LILRB5: variants seen among roughly 807,000 people sequenced by gnomAD.
The protein encoded by LILRB5 is leukocyte immunoglobulin like receptor B5, also known as leukocyte immunoglobulin-like receptor subfamily B member 5.
Under a neutral mutation model 68.4 loss-of-function variants are expected in LILRB5, and 61 were observed. That is an observed-to-expected ratio of 0.89 (90% confidence interval 0.73 to 1.10). The LOEUF is 1.10. Among genes scored for constraint, LILRB5 ranks in the 50% least tolerant of loss-of-function variants. LILRB5 has a pLI of 0.00. For synonymous variants in LILRB5, 356 were observed against 315.8 expected (o/e 1.13, Z -1.35); for missense variants, 771 against 751.6 (o/e 1.03, Z -0.30).
At chr19:54,255,806 G>T in intron 4 of LILRB5, 1 of 675,756 alleles carries the variant, frequency 1.5e-6, no homozygotes, top group Non-Finnish European at 2.5e-6. Context: ...TCCTCATTGA[G>T]GGACAGGAAA....
intron 6 of LILRB5, 142 bp from the exon 7 acceptor site, chr19:54,254,557 G>A (rs1156816761): frequency 1.6e-6 from 2 of 1,253,528 alleles, no homozygotes; most frequent in Admixed American, 2.1e-5. Context: ...GCCAAGTGTG[G>A]GCATGCCTGG....
chr19:54,251,980 G>A, intron 12 of LILRB5, 74 bp downstream of exon 12: 2 of 1,441,952 alleles, frequency 1.4e-6, no homozygotes, highest in Non-Finnish European at 2.0e-6. Context: ...GGGGGAAGGA[G>A]GACAGAGAAG....
chr19:54,256,645 A>C lies in LILRB5; in HGVS notation c.199T>G (p.Trp67Gly). Residue 67 changes from tryptophan to glycine, a missense_variant, in exon 3 of 13, where the codon TGG becomes GGG. Trp to Gly is a radical substitution (Grantham distance 184). Coordinates refer to ENST00000449561, the MANE Select transcript of LILRB5 (RefSeq NM_001081442.3). ...AGTGGGTTCTGTCTCTTCCGGGCCC[A>C]TGGGAGTCCCTCCTTATCCAGACGG... ...EYRLDKEGLP[W>G]ARKRQNPLEP... 1 of 1,614,088 alleles carries C rather than the reference A, an allele frequency of 6.2e-7. No individual in the cohort carries two copies. Among genetic ancestry groups the C allele is most frequent in the Non-Finnish European group, 8.5e-7 (1 of 1,179,992 alleles).
In LILRB5 at chr19:54,250,234, C is replaced by T. The variant is rs1183863493; in HGVS notation, c.*552G>A. The T allele has an allele frequency of 6.5e-6, 1 of 153,674 alleles. No homozygotes were observed. The highest frequency in any genetic ancestry group is 1.4e-5 in the Non-Finnish European group (1 of 69,222). The allele number at this position is 153,674 out of a possible 1,614,324, so 9.5% of individuals were successfully genotyped here. A position where few individuals can be genotyped will look rare whatever the true frequency, so the allele number is the denominator to read the frequency against. ...ATGTGTGCCTGAACCCCGCTTTTTTCCTTGCTTATTGTGGCTAGGATTTGT... is the reference window on the plus strand; with the variant it reads ...ATGTGTGCCTGAACCCCGCTTTTTTTCTTGCTTATTGTGGCTAGGATTTGT... On this transcript the variant is annotated 3_prime_UTR_variant, in exon 13 of 13. Transcript: ENST00000449561.
At position 54,249,729 on chromosome 19, in the gene LILRB5, C is replaced by A. The variant is rs1015782477; in HGVS notation, c.*1057G>T. ...AGACTAACTAAGGACTAGGGCGCAT[C>A]CCTTTAAAATTGAAATGTATGGGCT... On this transcript the variant is annotated 3_prime_UTR_variant, in exon 13 of 13. Transcript: ENST00000449561. The A allele has an allele frequency of 6.6e-6, 1 of 152,156 alleles. No homozygotes were observed. The highest frequency in any genetic ancestry group is 2.4e-5 in the African/African-American group (1 of 41,430). 9.4% of individuals were successfully genotyped at this position (152,156 alleles called of 1,614,324 possible). A position where few individuals can be genotyped will look rare whatever the true frequency, so the allele number is the denominator to read the frequency against.
At chr19:54,251,967 G>A in intron 12 of LILRB5, 87 bp downstream of exon 12, 1 of 1,347,212 alleles carries the variant, frequency 7.4e-7, no homozygotes, top group Non-Finnish European at 1.1e-6. Flanking sequence ...GATGCTGAGA[G>A]CCGGGGGAAG....
chr19:54,252,311 G>T, intron 11 of LILRB5, 55 bp downstream of exon 11: 4 of 1,591,738 alleles, frequency 2.5e-6, no homozygotes, highest in Non-Finnish European at 3.4e-6. Flanking sequence ...CATTGCTACA[G>T]AAACTTTGGT....
intron 8 of LILRB5, 74 bp downstream of exon 8, chr19:54,253,944 C>T (rs1220607329): frequency 3.9e-6 from 6 of 1,552,368 alleles, no homozygotes; most frequent in African/African-American, 2.7e-5. Flanking sequence ...TCCAGAGGAG[C>T]CTGAACCTAC....
Position 54,250,786 on chromosome 19 carries a change from C to A in LILRB5, c.1776G>T (p.Ter592TyrextTer59). The change falls in exon 13 of 13, where the codon TAG becomes TAT. Residue 592 changes from the stop codon to tyrosine, a stop_lost. Coordinates refer to ENST00000449561, the MANE Select transcript of LILRB5 (RefSeq NM_001081442.3). ...PSIYAPLAIH[*>Y] ...GTATGAGATCTGGGTCCCCCGTGGG[C>A]TAGTGGATGGCCAGGGGGGCGTAGA... The A allele has an allele frequency of 6.2e-7, 1 of 1,614,010 alleles. No individual in the cohort carries two copies. Among genetic ancestry groups the A allele is most frequent in the Non-Finnish European group, 8.5e-7 (1 of 1,180,000 alleles).
chr19:54,255,344 T>G lies in LILRB5; in HGVS notation c.894A>C (p.Ala298=). The G allele has an allele frequency of 6.2e-7, 1 of 1,613,964 alleles. No individual in the cohort carries two copies. The highest frequency in any genetic ancestry group is 8.5e-7 in the Non-Finnish European group (1 of 1,179,966). Residue 298 remains alanine, a synonymous_variant, in exon 5 of 13, where the codon GCA becomes GCC. Transcript: ENST00000449561. ...SHGGQYRCYG[A]HNLSPRWSAP... The stretch of plus-strand genomic sequence containing the variant: ...CCGACCACCTAGGGGAGAGGTTGTG[T>G]GCACCGTAGCATCTGTACTGGCCCC...
chr19:54,252,240 G>T, intron 11 of LILRB5, 126 bp downstream of exon 11: 1 of 1,439,800 alleles, frequency 6.9e-7, no homozygotes, highest in Non-Finnish European at 9.7e-7. Flanking sequence ...AGGTCCCACA[G>T]TGTGGGTTCA....
chr19:54,254,445 C>G (rs200951180), intron 6 of LILRB5, 30 bp from the exon 7 acceptor site: 3 of 1,559,776 alleles, frequency 1.9e-6, no homozygotes, highest in East Asian at 2.4e-5. Context: ...GGGAGCGAGG[C>G]GCTTTGGTGC....
rs34611146 is a variant in LILRB5, at chr19:54,256,561, G to T, written c.283C>A (p.Arg95=). The T allele has an allele frequency of 1.9e-6, 3 of 1,614,006 alleles. No homozygotes were observed. Among genetic ancestry groups the T allele is most frequent in the Non-Finnish European group, 2.5e-6 (3 of 1,180,008 alleles). The part of the protein sequence containing the change: ...IPSTVYDSAG[R]YRCYYETPAG... ...GGGGTCTCATAGTAGCAGCGGTATC[G>T]CCCTGCACTGTCATACACCGTGGAT... The change falls in exon 3 of 13, where the codon CGA becomes AGA. Residue 95 remains arginine, a synonymous_variant. Transcript: ENST00000449561.
In LILRB5 at chr19:54,256,718, C is replaced by T. The variant is rs1281493463; in HGVS notation, c.126G>A (p.Gly42=). 5 of 1,614,142 alleles carry T rather than the reference C, an allele frequency of 3.1e-6. No individual in the cohort carries two copies. The highest frequency in any genetic ancestry group is 2.2e-5 in the South Asian group (2 of 91,086). ...CCTGACACCAGAGGGTCACGGGCTT[C>T]CCCCGAGCTATCACAGAGGCTGGCT... ...WAEPASVIAR[G]KPVTLWCQGP... is the part of the protein sequence containing the mutation. Residue 42 remains glycine, a synonymous_variant, in exon 3 of 13, where the codon GGG becomes GGA. Coordinates refer to ENST00000449561, the MANE Select transcript of LILRB5 (RefSeq NM_001081442.3).
intron 5 of LILRB5, 69 bp downstream of exon 5, chr19:54,255,217 C>T (rs2079088937): frequency 6.4e-7 from 1 of 1,571,880 alleles, no homozygotes; most frequent in Non-Finnish European, 8.6e-7. Context: ...CCGGCCATCA[C>T]TAATTGGATT....
rs567028226 is a variant in LILRB5, at chr19:54,252,406, G to C, written c.1539-3C>G. On this transcript the variant is annotated splice_polypyrimidine_tract_variant and splice_region_variant and intron_variant, in intron 10 of 12. Coordinates refer to ENST00000449561, the MANE Select transcript of LILRB5 (RefSeq NM_001081442.3). ...GGATGTCAGCAACTGGGCTGGCCCT[G>C]GGGGAGGACACGGGAGTGTGAGGGG... The C allele has an allele frequency of 5.6e-6, 9 of 1,614,026 alleles. 1 individual carries two copies. Among genetic ancestry groups the C allele is most frequent in the African/African-American group, 2.7e-5 (2 of 74,932 alleles).
chr19:54,253,572 C>T (rs148640157), intron 8 of LILRB5: 435 of 403,076 alleles, frequency 1.1e-3, no homozygotes, highest in Non-Finnish European at 1.6e-3. Flanking sequence ...ATTTTGCTTA[C>T]GCCTCGCAGC....
Position 54,250,554 on chromosome 19 carries a change from T to C in LILRB5, c.*232A>G. Reference sequence around the variant, plus strand: ...TGCTCTAATTTCTGTTTCAGTTTTCTCAGCTCATTGATTTATTGAGAAGTC... The same window carrying C: ...TGCTCTAATTTCTGTTTCAGTTTTCCCAGCTCATTGATTTATTGAGAAGTC... On this transcript the variant is annotated 3_prime_UTR_variant, in exon 13 of 13. Coordinates refer to ENST00000449561, the MANE Select transcript of LILRB5 (RefSeq NM_001081442.3). 1.8e-6 allele frequency: 1 copy of C among 545,272 alleles called. No homozygotes were observed. Among genetic ancestry groups the C allele is most frequent in the Non-Finnish European group, 3.2e-6 (1 of 311,070 alleles). The allele number at this position is 545,272 out of a possible 1,614,324, so 33.8% of individuals were successfully genotyped here. A position where few individuals can be genotyped will look rare whatever the true frequency, so the allele number is the denominator to read the frequency against.
In LILRB5 at chr19:54,250,463, A is replaced by G. The variant is rs771438157; in HGVS notation, c.*323T>C. ...TTATTCTTTTCTAATTCATTCGCTC[A>G]TTTGTAGTTTTCCGATTTCATCATT... On this transcript the variant is annotated 3_prime_UTR_variant, in exon 13 of 13. Coordinates refer to ENST00000449561, the MANE Select transcript of LILRB5 (RefSeq NM_001081442.3). 7 of 320,642 alleles carry G rather than the reference A, an allele frequency of 2.2e-5. No individual in the cohort carries two copies. Among genetic ancestry groups the G allele is most frequent in the Non-Finnish European group, 4.0e-5 (7 of 175,924 alleles). The allele number at this position is 320,642 out of a possible 1,614,324, so 19.9% of individuals were successfully genotyped here. A position where few individuals can be genotyped will look rare whatever the true frequency, so the allele number is the denominator to read the frequency against.
Sources: allele counts gnomAD v4.1 joint callset, GRCh38; gene constraint gnomAD v4.1.1; transcripts MANE v1.5; gene names NCBI Gene and HGNC (gene_info 2026-07-23, HGNC 2026-07-21).